Variants in PRKDC observed in about 807,000 individuals in gnomAD.
PRKDC encodes DNA-dependent protein kinase catalytic subunit.
A neutral mutation model predicts 486.9 loss-of-function variants in PRKDC; 82 were observed. The ratio of observed to expected loss-of-function variants is 0.17; its 90% CI spans 0.14 to 0.20. The LOEUF is 0.20. PRKDC is among the 10% of genes least tolerant of loss of function. The probability of loss-of-function intolerance (pLI) is 1.00; values close to 1 mark genes in which losing one functional copy is unlikely to be tolerated. For missense variants in PRKDC, 4,504 were observed against 5,038.2 expected (o/e 0.89, Z 3.21); for synonymous variants, 1,895 against 1,837.0 (o/e 1.03, Z -0.81).
intron 39 of PRKDC, among the ~76,000 whole-genome samples, chr8:47,878,679 T>A (rs1168341291): frequency 6.6e-6 from 1 of 152,222 alleles, no homozygotes; most frequent in African/African-American, 2.4e-5. Context: ...ATCTTCAGAA[T>A]AGAACAAGTA....
At chr8:47,858,410 T>G (rs2088594731) in intron 48 of PRKDC, 106 bp downstream of exon 48, 1 of 1,140,358 alleles carries the variant, frequency 8.8e-7, no homozygotes, top group Non-Finnish European at 1.2e-6. Context: ...CTTTTTTGTG[T>G]GTGTTTTTAA....
chr8:47,794,924 C>G (rs901150741), intron 73 of PRKDC, among the ~76,000 whole-genome samples: 3 of 152,166 alleles, frequency 2.0e-5, no homozygotes, highest in Non-Finnish European at 2.9e-5. Context: ...GGGTCTCGCT[C>G]TGTCGCCAGG....
chr8:47,886,384 T>C (rs2089332264), intron 35 of PRKDC, among the ~76,000 whole-genome samples: 1 of 152,174 alleles, frequency 6.6e-6, no homozygotes, highest in South Asian at 2.1e-4. Context: ...TGTCCAAAAG[T>C]CTTGTTGTTG....
intron 20 of PRKDC, 129 bp downstream of exon 20, chr8:47,927,642 A>T: frequency 8.1e-7 from 1 of 1,230,840 alleles, no homozygotes; most frequent in Non-Finnish European, 1.1e-6. Context: ...TGGCAGAAGC[A>T]GACCCTGACC....
At chr8:47,869,712 G>A (rs1317743578) in intron 40 of PRKDC, among the ~76,000 whole-genome samples, 1 of 152,000 alleles carries the variant, frequency 6.6e-6, no homozygotes, top group Admixed American at 6.6e-5. Context: ...GCCACAGAGG[G>A]GCAACATCCC....
Position 47,858,832 on chromosome 8 carries a change from A to G in PRKDC, c.6345+17T>C. On this transcript the variant is annotated intron_variant, in intron 47 of 85. Transcript: ENST00000314191. ...AATGAATATAGTATTAACAGGTAAG[A>G]TGAGTGGGAAAAGCACCTCTTCTCC... The G allele has an allele frequency of 6.2e-7, 1 of 1,611,040 alleles. No individual in the cohort carries two copies. Among genetic ancestry groups the G allele is most frequent in the East Asian group, 2.2e-5 (1 of 44,808 alleles).
intron 19 of PRKDC, 61 bp from the exon 20 acceptor site, chr8:47,927,951 A>G (rs1589798310): frequency 3.7e-6 from 5 of 1,335,126 alleles, no homozygotes; most frequent in African/African-American, 3.0e-5. Flanking sequence ...AAAATCAACT[A>G]AAAAGTATTT....
chr8:47,904,952 G>A lies in PRKDC; in HGVS notation c.2959C>T (p.Leu987=), dbSNP rs201873394. Residue 987 remains leucine (L), a synonymous_variant, in exon 26 of 86, where the codon CTA becomes TTA. Coordinates refer to ENST00000314191, the MANE Select transcript of PRKDC (RefSeq NM_006904.7). ...DQVTRQLYEP[L]VMQLIHWFTN... ...AACCAGTGAATCAGCTGCATAACTA[G>A]TGGCTCATACAGTTGCCTTGTCACC... 5 of 1,613,528 alleles carry A rather than the reference G, an allele frequency of 3.1e-6. No homozygotes were observed. Among genetic ancestry groups the A allele is most frequent in the East Asian group, 2.2e-5 (1 of 44,856 alleles).
At chr8:47,789,958 A>G (rs1294851988) in intron 74 of PRKDC, among the ~76,000 whole-genome samples, 2 of 152,258 alleles carry the variant, frequency 1.3e-5, no homozygotes, top group African/African-American at 2.4e-5. Context: ...ACTCACAGCT[A>G]GTGTCATACT....
intron 59 of PRKDC, among the ~76,000 whole-genome samples, chr8:47,833,074 C>G (rs537100211): frequency 6.6e-6 from 1 of 152,200 alleles, no homozygotes; most frequent in Admixed American, 6.5e-5. Context: ...TGCTGCTGAC[C>G]CCATTCTCAG....
Position 47,819,409 on chromosome 8 carries a change from G to C in PRKDC, c.9438C>G (p.Ser3146Arg), listed in dbSNP as rs748456996. 2.6e-6 allele frequency: 4 copies of C among 1,519,448 alleles called. No individual in the cohort carries two copies. In the South Asian group the frequency reaches 3.9e-5, roughly 15 times the overall value. The allele number at this position is 1,519,448 out of a possible 1,614,324, so 94.1% of individuals were successfully genotyped here. The stretch of plus-strand genomic sequence containing the variant: ...ACCGATGAAAAAAATTACCTTGTTT[G>C]CTTATAAAGCTGATGAACTCCTGAA... ...TEIQEFISFISKQGNLSSQVP... is the reference protein window; with the variant it reads ...TEIQEFISFIRKQGNLSSQVP... Residue 3146 changes from serine (S) to arginine (R), a missense_variant, in exon 67 of 86, where the codon AGC becomes AGG. Around this residue, in one of 6 missense-constraint regions of PRKDC, gnomAD observed 1,592 missense variants for 1,724.6 expected, o/e 0.92. Coordinates refer to ENST00000314191, the MANE Select transcript of PRKDC (RefSeq NM_006904.7).
At chr8:47,831,322 G>A (rs750645347) in intron 60 of PRKDC, among the ~76,000 whole-genome samples, 28 of 152,220 alleles carry the variant, frequency 1.8e-4, no homozygotes, top group Non-Finnish European at 4.0e-4. Flanking sequence ...CTGGAGCACC[G>A]CGAGGGATTT....
intron 7 of PRKDC, among the ~76,000 whole-genome samples, chr8:47,947,915 AAAAAT>A (rs1326290389): frequency 6.6e-6 from 1 of 151,970 alleles, no homozygotes; most frequent in African/African-American, 2.4e-5. Flanking sequence ...TCTCAAAAAG[AAAAAT>A]AAAATAAAAA....
chr8:47,913,001 AT>A (rs2089930288), intron 24 of PRKDC, among the ~76,000 whole-genome samples: 1 of 152,226 alleles, frequency 6.6e-6, no homozygotes, highest in African/African-American at 2.4e-5. Context: ...GCAACCCTGC[AT>A]TGAGAAATTC....
At chr8:47,940,429 G>C (rs961522565) in intron 10 of PRKDC, among the ~76,000 whole-genome samples, 1 of 151,976 alleles carries the variant, frequency 6.6e-6, no homozygotes, top group Non-Finnish European at 1.5e-5. Context: ...AATTATCAAA[G>C]GCAGAAAAAA....
chr8:47,802,045 T>C lies in PRKDC; in HGVS notation c.9923-1059A>G, dbSNP rs182023578. ...AAAAGCCCATATAATTATTTAGCAATCATAAGGATAATTTTCTTCTTCTTC... is the reference window on the plus strand; with the variant it reads ...AAAAGCCCATATAATTATTTAGCAACCATAAGGATAATTTTCTTCTTCTTC... On this transcript the variant is annotated intron_variant, in intron 70 of 85. Transcript: ENST00000314191. Among the ~76,000 whole-genome samples, 392 of 152,280 alleles carry C rather than the reference T, an allele frequency of 2.6e-3. 3 individuals carry two copies. Among genetic ancestry groups the C allele is most frequent in the Admixed American group, 4.8e-3 (74 of 15,286 alleles).
intron 11 of PRKDC, among the ~76,000 whole-genome samples, chr8:47,937,455 G>A (rs1257283413): frequency 6.6e-6 from 1 of 152,184 alleles, no homozygotes; most frequent in East Asian, 1.9e-4. Flanking sequence ...CTACAGGAGA[G>A]GCCAGGAGTC....
At chr8:47,907,141 C>T (rs539145010) in intron 25 of PRKDC, among the ~76,000 whole-genome samples, 40 of 151,066 alleles carry the variant, frequency 2.6e-4, no homozygotes, top group South Asian at 1.9e-3. Context: ...CCCGGGTCCA[C>T]GCCATTCTCC....
chr8:47,928,578 A>T (rs776107404), intron 19 of PRKDC, among the ~76,000 whole-genome samples: 1 of 150,290 alleles, frequency 6.7e-6, no homozygotes, highest in Admixed American at 6.6e-5. Flanking sequence ...TTTGAGACAC[A>T]GTCTTGCTCT....
Sources: allele counts gnomAD v4.1 joint callset (sites outside exome capture counted in the v4.1 genomes callset), GRCh38; gene constraint gnomAD v4.1.1; regional missense constraint gnomAD v4.1.1; transcripts MANE v1.5; gene names NCBI Gene and HGNC (gene_info 2026-07-23, HGNC 2026-07-21).